Variants in SEC22A observed in about 807,000 individuals in gnomAD.
The protein encoded by SEC22A is vesicle-trafficking protein SEC22a.
SEC22A carries 22 observed loss-of-function variants against 35.3 expected under a neutral mutation model. The observed-to-expected ratio is 0.62, with a 90% CI of 0.45 to 0.89. The LOEUF (loss-of-function observed/expected upper bound fraction) is 0.89, where lower values mean the gene tolerates loss of function less well. Among genes scored for constraint, SEC22A ranks in the 40% least tolerant of loss-of-function variants. The pLI is 0.00. For missense variants in SEC22A, 354 were observed against 362.5 expected (o/e 0.98, Z 0.19); for synonymous variants, 119 against 129.5 (o/e 0.92, Z 0.55).
intron 4 of SEC22A, among the ~76,000 whole-genome samples, chr3:123,230,698 G>GAAA (rs1559756237): frequency 5.7e-5 from 3 of 52,826 alleles, no homozygotes; most frequent in African/African-American, 3.4e-4. Context: ...TTCACTTCAT[G>GAAA]CAAAAAAAAA....
intron 3 of SEC22A, among the ~76,000 whole-genome samples, chr3:123,224,569 T>G (rs1937187604): frequency 6.6e-6 from 1 of 152,076 alleles, no homozygotes; most frequent in South Asian, 2.1e-4. Flanking sequence ...GCCGAGGCAG[T>G]AGGATCACTT....
At chr3:123,258,146 G>T (rs1011077388) in intron 5 of SEC22A, among the ~76,000 whole-genome samples, 2 of 152,078 alleles carry the variant, frequency 1.3e-5, no homozygotes, top group African/African-American at 4.8e-5. Context: ...ATTACAAATC[G>T]TGTGGTTGAG....
chr3:123,263,883 A>G (rs1937959409), intron 6 of SEC22A, among the ~76,000 whole-genome samples: 1 of 151,148 alleles, frequency 6.6e-6, no homozygotes, highest in Non-Finnish European at 1.5e-5. Context: ...GCTGAGTAGT[A>G]TTCTATGATA....
chr3:123,268,801 A>G (rs1275420404), intron 6 of SEC22A, among the ~76,000 whole-genome samples: 2 of 152,148 alleles, frequency 1.3e-5, no homozygotes, highest in Non-Finnish European at 2.9e-5. Context: ...AGGATTATGC[A>G]TTTCATTTGA....
At chr3:123,210,307 T>C (rs1936920684) in intron 2 of SEC22A, among the ~76,000 whole-genome samples, 1 of 152,164 alleles carries the variant, frequency 6.6e-6, no homozygotes, top group Non-Finnish European at 1.5e-5. Context: ...AGTAGTTAGA[T>C]TGGGGCTATA....
At chr3:123,249,234 C>T (rs545885815) in intron 5 of SEC22A, among the ~76,000 whole-genome samples, 1 of 152,164 alleles carries the variant, frequency 6.6e-6, no homozygotes, top group East Asian at 1.9e-4. Context: ...CACATGGCAC[C>T]CACCCAGAAG....
At chr3:123,236,886 A>C (rs551607186) in intron 4 of SEC22A, among the ~76,000 whole-genome samples, 1 of 152,282 alleles carries the variant, frequency 6.6e-6, no homozygotes, top group Admixed American at 6.5e-5. Flanking sequence ...CTTAATGATA[A>C]CTTTGAAAGG....
intron 4 of SEC22A, among the ~76,000 whole-genome samples, chr3:123,236,385 A>G (rs923992411): frequency 5.9e-5 from 9 of 152,172 alleles, no homozygotes; most frequent in Non-Finnish European, 1.3e-4. Context: ...TTAATCAACT[A>G]TAATCTTCCT....
intron 4 of SEC22A, among the ~76,000 whole-genome samples, chr3:123,230,473 A>G (rs1046944081): frequency 8.5e-5 from 13 of 152,090 alleles, no homozygotes; most frequent in Non-Finnish European, 1.8e-4. Context: ...ATAACAATGC[A>G]TTATGGAGTT....
intron 1 of SEC22A, among the ~76,000 whole-genome samples, chr3:123,208,150 A>G (rs1472893239): frequency 2.6e-5 from 4 of 152,008 alleles, no homozygotes; most frequent in African/African-American, 7.3e-5. Flanking sequence ...TTTTTATCCT[A>G]CTTTTTTCTC....
intron 4 of SEC22A, among the ~76,000 whole-genome samples, chr3:123,241,114 A>AT (rs1221118261): frequency 6.6e-6 from 1 of 151,596 alleles, no homozygotes; most frequent in Non-Finnish European, 1.5e-5. Flanking sequence ...TTGTGGAGGC[A>AT]TTTTTTAGAA....
At chr3:123,234,833 G>A (rs13434067) in intron 4 of SEC22A, among the ~76,000 whole-genome samples, 29,875 of 151,910 alleles carry the variant, frequency 0.2, 3,033 homozygotes, top group Middle Eastern at 0.28. Flanking sequence ...GACCAGCCTG[G>A]GCAACATGGC....
At chr3:123,225,372 A>C in intron 4 of SEC22A, 75 bp downstream of exon 4, 1 of 851,690 alleles carries the variant, frequency 1.2e-6, no homozygotes. Context: ...AAAATGAATT[A>C]CTTTATTCTA....
At chr3:123,218,527 C>G (rs776062716) in intron 2 of SEC22A, among the ~76,000 whole-genome samples, 1 of 152,002 alleles carries the variant, frequency 6.6e-6, no homozygotes, top group Non-Finnish European at 1.5e-5. Flanking sequence ...GTCTTTGAGA[C>G]CTGCATAGCC....
At chr3:123,217,491 G>A (rs998704150) in intron 2 of SEC22A, among the ~76,000 whole-genome samples, 1 of 151,938 alleles carries the variant, frequency 6.6e-6, no homozygotes, top group Non-Finnish European at 1.5e-5. Context: ...GGGATTACAG[G>A]CGTGAGCCAC....
intron 5 of SEC22A, among the ~76,000 whole-genome samples, chr3:123,250,473 G>C (rs1343395058): frequency 6.6e-6 from 1 of 152,146 alleles, no homozygotes; most frequent in Non-Finnish European, 1.5e-5. Context: ...TTCTCACTCT[G>C]GGCTTTGATA....
intron 2 of SEC22A, among the ~76,000 whole-genome samples, chr3:123,213,306 T>C (rs1235760046): frequency 2.0e-5 from 3 of 152,210 alleles, no homozygotes; most frequent in Non-Finnish European, 4.4e-5. Context: ...AATTGAGAAT[T>C]TGTGTGTGTT....
intron 1 of SEC22A, among the ~76,000 whole-genome samples, chr3:123,205,461 G>T (rs1936835353): frequency 6.6e-6 from 1 of 152,150 alleles, no homozygotes; most frequent in Admixed American, 6.5e-5. Context: ...GGCCGACGCA[G>T]GTGGATCACT....
intron 1 of SEC22A, among the ~76,000 whole-genome samples, chr3:123,207,085 C>T (rs1936866426): frequency 6.6e-6 from 1 of 152,134 alleles, no homozygotes; most frequent in Non-Finnish European, 1.5e-5. Flanking sequence ...GACCCTGTCT[C>T]TGAAGGAGAA....
Sources: allele counts gnomAD v4.1 joint callset (sites outside exome capture counted in the v4.1 genomes callset), GRCh38; gene constraint gnomAD v4.1.1; transcripts MANE v1.5; gene names NCBI Gene and HGNC (gene_info 2026-07-23, HGNC 2026-07-21).